NRCAM: variants seen among roughly 807,000 people sequenced by gnomAD.
NRCAM encodes NgCAM-related cell adhesion molecule.
NRCAM carries 83 observed loss-of-function variants against 156.5 expected under a neutral mutation model. The observed-to-expected ratio is 0.53, with a 90% CI of 0.44 to 0.64. The LOEUF (loss-of-function observed/expected upper bound fraction) is 0.64. Ranked by LOEUF, NRCAM falls within the 30% of genes least tolerant of loss-of-function variation. The pLI is 0.00. For missense variants in NRCAM, 1,417 were observed against 1,597.3 expected, an observed-to-expected ratio of 0.89 and a Z score of 1.92; for synonymous variants, 538 against 563.9, an observed-to-expected ratio of 0.95 and a Z score of 0.65.
chr7:108,320,130 A>G (rs947333478), intron 2 of NRCAM, among the ~76,000 whole-genome samples: 2 of 152,118 alleles, frequency 1.3e-5, no homozygotes, highest in Admixed American at 1.3e-4. Context: ...CAGCACTCCA[A>G]TTTTTAATTA....
chr7:108,224,332 T>C (rs1485705652), intron 10 of NRCAM, among the ~76,000 whole-genome samples: 1 of 152,140 alleles, frequency 6.6e-6, no homozygotes, highest in Admixed American at 6.5e-5. Flanking sequence ...TGATTAATCA[T>C]ATTAAGATCC....
rs376276136 is a variant in NRCAM, at chr7:108,251,597, A to T, written c.-106-11427T>A. 1.1e-4 allele frequency among the ~76,000 whole-genome samples: 16 copies of T among 152,330 alleles called. No individual in the cohort carries two copies. In the East Asian group the frequency reaches 2.7e-3, roughly 26 times the overall value. On this transcript the variant is annotated intron_variant, in intron 3 of 32. Coordinates refer to ENST00000379028, the MANE Select transcript of NRCAM (RefSeq NM_001037132.4). ...AAGACCAGAAATGGGAAGACAGCTA[A>T]AAATTAGATCCTTTGAGGCTGCTGG...
At chr7:108,329,104 CCCTA>C (rs1176788800) in intron 2 of NRCAM, among the ~76,000 whole-genome samples, 1 of 152,062 alleles carries the variant, frequency 6.6e-6, no homozygotes, top group East Asian at 1.9e-4. Context: ...CTTTCTTTCC[CCCTA>C]CCTATTTATT....
intron 20 of NRCAM, among the ~76,000 whole-genome samples, chr7:108,187,296 G>C (rs1298050521): frequency 2.0e-5 from 3 of 152,124 alleles, no homozygotes; most frequent in Non-Finnish European, 4.4e-5. Flanking sequence ...TCAGCTCTTT[G>C]ACCTTCTCTC....
chr7:108,427,365 T>C (rs1818699347), intron 1 of NRCAM, among the ~76,000 whole-genome samples: 1 of 152,248 alleles, frequency 6.6e-6, no homozygotes, highest in South Asian at 2.1e-4. Context: ...CCGACAAGGC[T>C]GTTAAAGTAA....
intron 2 of NRCAM, among the ~76,000 whole-genome samples, chr7:108,367,904 A>G (rs999349587): frequency 6.6e-6 from 1 of 152,210 alleles, no homozygotes; most frequent in African/African-American, 2.4e-5. Flanking sequence ...TATCAATGTC[A>G]AACATTTATA....
intron 1 of NRCAM, among the ~76,000 whole-genome samples, chr7:108,401,779 C>G (rs1039823997): frequency 1.3e-5 from 2 of 152,160 alleles, no homozygotes; most frequent in African/African-American, 4.8e-5. Flanking sequence ...CCCGACCATG[C>G]GTTGCCTCAA....
At chr7:108,325,437 AT>A (rs1022240744) in intron 2 of NRCAM, among the ~76,000 whole-genome samples, 3,623 of 148,262 alleles carry the variant, frequency 0.024, 157 homozygotes, top group African/African-American at 0.084. Context: ...TTTAGAAAAG[AT>A]TTTTTTTTTT....
intron 2 of NRCAM, among the ~76,000 whole-genome samples, chr7:108,340,192 G>A (rs1408773331): frequency 6.6e-6 from 1 of 152,030 alleles, no homozygotes; most frequent in Non-Finnish European, 1.5e-5. Context: ...CAACCCAAAT[G>A]GTCCAAAAGG....
chr7:108,334,317 T>C (rs1265041446), intron 2 of NRCAM, among the ~76,000 whole-genome samples: 1 of 152,210 alleles, frequency 6.6e-6, no homozygotes, highest in Non-Finnish European at 1.5e-5. Context: ...CATGATAATC[T>C]TCCCAAACAC....
At chr7:108,239,128 T>G (rs1369918770) in intron 4 of NRCAM, among the ~76,000 whole-genome samples, 1 of 152,026 alleles carries the variant, frequency 6.6e-6, no homozygotes, top group East Asian at 1.9e-4. Flanking sequence ...AGATTTGAAA[T>G]TTTGCTTTCC....
At chr7:108,440,727 C>G (rs929409354) in intron 1 of NRCAM, among the ~76,000 whole-genome samples, 1 of 152,148 alleles carries the variant, frequency 6.6e-6, no homozygotes, top group African/African-American at 2.4e-5. Flanking sequence ...CTCCATTTTG[C>G]CAGCTGCACA....
At chr7:108,207,774 A>G in intron 12 of NRCAM, 115 bp from the exon 13 acceptor site, 1 of 759,334 alleles carries the variant, frequency 1.3e-6, no homozygotes, top group Non-Finnish European at 2.0e-6. Context: ...AATTAGTCTC[A>G]TTTTTTTTGA....
intron 24 of NRCAM, 128 bp downstream of exon 24, chr7:108,181,694 G>T (rs1237142665): frequency 3.3e-5 from 16 of 488,756 alleles, no homozygotes; most frequent in Middle Eastern, 8.3e-4. Flanking sequence ...TGAGCGAAAT[G>T]AACTCTTCAG....
Position 108,374,656 on chromosome 7 carries a change from T to C in NRCAM, c.-174+24780A>G, listed in dbSNP as rs116291171. Among the ~76,000 whole-genome samples the C allele has an allele frequency of 4.9e-3, 748 of 152,264 alleles. 8 individuals carry two copies. The highest frequency in any genetic ancestry group is 0.017 in the African/African-American group (701 of 41,562). ...AACAAACACTGAGCTATGAGTAGGATGCTGTGCTAAATACTGTGGTTTCAC... is the reference window on the plus strand; with the variant it reads ...AACAAACACTGAGCTATGAGTAGGACGCTGTGCTAAATACTGTGGTTTCAC... On this transcript the variant is annotated intron_variant, in intron 2 of 32. Transcript: ENST00000379028.
intron 32 of NRCAM, among the ~76,000 whole-genome samples, chr7:108,153,970 T>C (rs2043300652): frequency 6.6e-6 from 1 of 152,188 alleles, no homozygotes; most frequent in African/African-American, 2.4e-5. Context: ...AAGACTCAAA[T>C]ATAGTAAATA....
At chr7:108,187,933 C>T (rs544016823) in intron 20 of NRCAM, among the ~76,000 whole-genome samples, 2,848 of 151,178 alleles carry the variant, frequency 0.019, 89 homozygotes, top group African/African-American at 0.066. Context: ...CCAGCCTGGG[C>T]AACAAAGCGA....
intron 1 of NRCAM, among the ~76,000 whole-genome samples, chr7:108,455,786 C>T (rs1856562428): frequency 6.6e-6 from 1 of 152,120 alleles, no homozygotes; most frequent in African/African-American, 2.4e-5. Context: ...CTCCTCGCCC[C>T]GCCGGCACTG....
chr7:108,192,149 A>G, intron 17 of NRCAM, among the ~76,000 whole-genome samples: 1 of 152,176 alleles, frequency 6.6e-6, no homozygotes, highest in East Asian at 1.9e-4. Flanking sequence ...CCTGTTAGGA[A>G]CTGGGCTGCA....
Sources: gnomAD v4.1 joint callset for allele counts (sites outside exome capture counted in the v4.1 genomes callset) on GRCh38, gnomAD v4.1.1 for gene constraint, MANE v1.5 for transcripts, NCBI Gene and HGNC (gene_info 2026-07-23, HGNC 2026-07-21) for gene names.